The following SMC1B variants were observed in gnomAD, a reference collection of about 807,000 sequenced individuals.
The protein encoded by SMC1B is structural maintenance of chromosomes 1B.
SMC1B carries 60 observed loss-of-function variants against 157.9 expected under a neutral mutation model. The observed-to-expected ratio is 0.38, with a 90% CI of 0.31 to 0.47. The LOEUF is 0.47. SMC1B is among the 20% of genes least tolerant of loss of function. The pLI is 0.99. For synonymous variants in SMC1B, 445 were observed against 483.0 expected, an observed-to-expected ratio of 0.92 and a Z score of 1.03; for missense variants, 1,165 against 1,426.2, an observed-to-expected ratio of 0.82 and a Z score of 2.95.
intron 15 of SMC1B, among the ~76,000 whole-genome samples, chr22:45,369,495 A>G (rs1407463873): frequency 6.6e-6 from 1 of 151,936 alleles, no homozygotes; most frequent in African/African-American, 2.4e-5. Context: ...TTATGGAACA[A>G]AAAAGTTAGA....
intron 5 of SMC1B, among the ~76,000 whole-genome samples, chr22:45,400,418 A>C (rs1273013298): frequency 6.6e-6 from 1 of 152,244 alleles, no homozygotes; most frequent in Non-Finnish European, 1.5e-5. Context: ...CAGTGGCCAC[A>C]GCAGGAACAA....
chr22:45,390,239 T>C (rs1468443273), intron 9 of SMC1B, among the ~76,000 whole-genome samples: 1 of 151,832 alleles, frequency 6.6e-6, no homozygotes, highest in Non-Finnish European at 1.5e-5. Flanking sequence ...CTGAGCTAGA[T>C]ACTGGATAAA....
intron 6 of SMC1B, among the ~76,000 whole-genome samples, chr22:45,397,228 T>A (rs2087135138): frequency 6.6e-6 from 1 of 152,110 alleles, no homozygotes; most frequent in Non-Finnish European, 1.5e-5. Flanking sequence ...TTTTAAACAG[T>A]CTTTTAGGCC....
In SMC1B at chr22:45,383,503, T is replaced by C. The variant is rs2086958786; in HGVS notation, c.2022A>G (p.Leu674=). The change falls in exon 12 of 25, where the codon CTA becomes CTG. Residue 674 remains leucine (L), a synonymous_variant. Coordinates refer to ENST00000357450, the MANE Select transcript of SMC1B (RefSeq NM_148674.5). ...GGATTTTCTGGCTTCGTCTGTCTCT[T>C]AGATTCTTTAACTCTTTCTCATCCC... ...RCWDEKELKN[L]RDRRSQKIQE... The C allele has an allele frequency of 1.9e-6, 3 of 1,608,822 alleles. No individual in the cohort carries two copies. Among genetic ancestry groups the C allele is most frequent in the Non-Finnish European group, 2.5e-6 (3 of 1,178,526 alleles).
At chr22:45,413,158 G>T (rs2146866401) in intron 1 of SMC1B, among the ~76,000 whole-genome samples, 1 of 152,244 alleles carries the variant, frequency 6.6e-6, no homozygotes, top group Admixed American at 6.5e-5. Context: ...GAGCCAGGAG[G>T]TGGAGGGCGA....
chr22:45,406,238 G>A (rs1242267295), intron 4 of SMC1B, among the ~76,000 whole-genome samples: 14 of 152,104 alleles, frequency 9.2e-5, no homozygotes, highest in Non-Finnish European at 2.9e-5. Context: ...TTTTAGTTGG[G>A]AAAATCAGAC....
intron 9 of SMC1B, among the ~76,000 whole-genome samples, chr22:45,390,594 G>C (rs1221274601): frequency 1.3e-5 from 2 of 151,990 alleles, no homozygotes; most frequent in Non-Finnish European, 2.9e-5. Flanking sequence ...AGTTCCAGCT[G>C]CTCGGGAGGC....
rs200011768 is a variant in SMC1B, at chr22:45,370,083, T to C, written c.2314-23A>G. On this transcript the variant is annotated intron_variant, in intron 14 of 24. Transcript: ENST00000357450. ...TACCTTTTAAATTATTTTAAAACAA[T>C]TGATTTAATAAGCAATTTTAAGAAA... The C allele has an allele frequency of 1.4e-4, 178 of 1,291,282 alleles. No individual in the cohort carries two copies. The African/African-American group carries it at 1.9e-3, about 14-fold the overall frequency. The allele number at this position is 1,291,282 out of a possible 1,614,324, so 80.0% of individuals were successfully genotyped here.
intron 21 of SMC1B, among the ~76,000 whole-genome samples, chr22:45,352,912 C>T (rs1206727745): frequency 1.3e-5 from 2 of 152,144 alleles, no homozygotes; most frequent in Non-Finnish European, 2.9e-5. Context: ...CTCACTGATA[C>T]GTTCATCAAA....
At chr22:45,393,572 T>C (rs1488861324) in intron 9 of SMC1B, 62 bp downstream of exon 9, 2 of 1,201,408 alleles carry the variant, frequency 1.7e-6, no homozygotes, top group Non-Finnish European at 2.4e-6. Flanking sequence ...GAGAAGATAC[T>C]GTTGAAAGCA....
intron 12 of SMC1B, among the ~76,000 whole-genome samples, chr22:45,378,436 T>C (rs181245663): frequency 6.6e-6 from 1 of 152,298 alleles, no homozygotes; most frequent in Admixed American, 6.5e-5. Context: ...TTTTTAACAG[T>C]ATCTCACATT....
rs190806695 is a variant in SMC1B at position 45,404,965 on chromosome 22, C to T, written c.615+1495G>A. On this transcript the variant is annotated intron_variant, in intron 4 of 24. Coordinates refer to ENST00000357450, the MANE Select transcript of SMC1B (RefSeq NM_148674.5). The stretch of plus-strand genomic sequence containing the variant: ...CAAGATAATTTTATACAGCAATAAA[C>T]GCTACAAAAGAAACAAAATAGGGTA... 6.6e-5 allele frequency among the ~76,000 whole-genome samples: 10 copies of T among 152,194 alleles called. No homozygotes were observed. In the East Asian group the frequency reaches 9.6e-4, roughly 15 times the overall value.
Position 45,394,750 on chromosome 22 carries a change from T to C in SMC1B, c.1272A>G (p.Ile424Met), listed in dbSNP as rs1186529055. Residue 424 changes from isoleucine to methionine, a missense_variant, in exon 8 of 25, where the codon ATA becomes ATG. Physicochemically the swap from Ile to Met is conservative, Grantham distance 10. Coordinates refer to ENST00000357450, the MANE Select transcript of SMC1B (RefSeq NM_148674.5). The stretch of plus-strand genomic sequence containing the variant: ...TTTTATGATCTTCTATTTGTTCTTT[T>C]ATTTGTTTTAGATTTCCCTAAAAGA... ...HGEVQGNLKQ[I>M]KEQIEDHKKR... 3 of 1,546,650 alleles carry C rather than the reference T, an allele frequency of 1.9e-6. No homozygotes were observed. The highest frequency in any genetic ancestry group is 2.6e-6 in the Non-Finnish European group (3 of 1,140,378).
At position 45,389,747 on chromosome 22, in the gene SMC1B, C is replaced by CAGA. The variant is rs763431885; in HGVS notation, c.1695_1696insTCT (p.Ala565_Glu566insSer). ...TCTAGAGCGAGGAATGTCTCAGGTT[C>CAGA]AGCTCTTTCCTCCTTCAGAAATCGA... On this transcript the variant is annotated inframe_insertion, in exon 10 of 25. Transcript: ENST00000357450. 1 of 1,614,056 alleles carries CAGA rather than the reference C, an allele frequency of 6.2e-7. No individual in the cohort carries two copies. Among genetic ancestry groups the CAGA allele is most frequent in the South Asian group, 1.1e-5 (1 of 91,078 alleles).
chr22:45,346,129 C>T (rs529469879), intron 23 of SMC1B, among the ~76,000 whole-genome samples: 3 of 151,224 alleles, frequency 2.0e-5, no homozygotes, highest in Non-Finnish European at 4.4e-5. Flanking sequence ...CGCTTGAACC[C>T]GGGAGGTAGA....
intron 22 of SMC1B, among the ~76,000 whole-genome samples, chr22:45,351,811 A>G (rs932642425): frequency 2.6e-5 from 4 of 152,214 alleles, no homozygotes; most frequent in African/African-American, 9.7e-5. Flanking sequence ...ATGTTGAAAG[A>G]GGTTAATTGC....
Position 45,393,727 on chromosome 22 carries a change from C to T in SMC1B, c.1452G>A (p.Leu484=), listed in dbSNP as rs2087088589. The T allele has an allele frequency of 3.7e-6, 6 of 1,613,942 alleles. No homozygotes were observed. Among genetic ancestry groups the T allele is most frequent in the Non-Finnish European group, 4.2e-6 (5 of 1,179,962 alleles). Reference sequence around the variant, plus strand: ...CATGGGTATCAATCCCAGCATTCTGCAATTCACTTCTAATAAGATTCAATT... The same window carrying T: ...CATGGGTATCAATCCCAGCATTCTGTAATTCACTTCTAATAAGATTCAATT... ...NEELNLIRSE[L]QNAGIDTHEG... The change falls in exon 9 of 25, where the codon TTG becomes TTA. Residue 484 remains leucine (L), a synonymous_variant. Coordinates refer to ENST00000357450, the MANE Select transcript of SMC1B (RefSeq NM_148674.5).
intron 4 of SMC1B, among the ~76,000 whole-genome samples, chr22:45,404,560 C>G (rs978082077): frequency 6.6e-6 from 1 of 152,212 alleles, no homozygotes; most frequent in Non-Finnish European, 1.5e-5. Context: ...GCTTCCTGTG[C>G]ATAACAAGAA....
At chr22:45,384,903 T>C (rs2086975129) in intron 11 of SMC1B, among the ~76,000 whole-genome samples, 1 of 152,186 alleles carries the variant, frequency 6.6e-6, no homozygotes, top group South Asian at 2.1e-4. Flanking sequence ...TTATTCATTA[T>C]TGTTTAATAT....
Sources: gnomAD v4.1 joint callset for allele counts (sites outside exome capture counted in the v4.1 genomes callset) on GRCh38, gnomAD v4.1.1 for gene constraint, MANE v1.5 for transcripts, NCBI Gene and HGNC (gene_info 2026-07-23, HGNC 2026-07-21) for gene names.